Variants in FARP1 observed in about 807,000 individuals in gnomAD.
FARP1 encodes the protein FERM, ARH/RhoGEF and pleckstrin domain protein 1.
FARP1 carries 52 observed loss-of-function variants against 128.8 expected under a neutral mutation model. The ratio of observed to expected loss-of-function variants is 0.40; its 90% CI spans 0.32 to 0.51. The LOEUF is 0.51. Ranked by LOEUF, FARP1 falls within the 20% of genes least tolerant of loss-of-function variation. The pLI, the probability that FARP1 is intolerant of heterozygous loss-of-function variation, is 0.45. For missense variants in FARP1, 1,333 were observed against 1,367.9 expected, an observed-to-expected ratio of 0.97 and a Z score of 0.40; for synonymous variants, 580 against 551.8, an observed-to-expected ratio of 1.05 and a Z score of -0.72.
intron 3 of FARP1, among the ~76,000 whole-genome samples, chr13:98,361,830 T>G (rs1888884616): frequency 6.6e-6 from 1 of 152,170 alleles, no homozygotes; most frequent in Non-Finnish European, 1.5e-5. Context: ...TAGGATGTTG[T>G]TTCCATCCTA....
At chr13:98,201,277 T>C (rs1879926141) in intron 1 of FARP1, among the ~76,000 whole-genome samples, 1 of 152,126 alleles carries the variant, frequency 6.6e-6, no homozygotes, top group African/African-American at 2.4e-5. Context: ...ACTCTTTCAC[T>C]ACAAAAATTA....
intron 1 of FARP1, among the ~76,000 whole-genome samples, chr13:98,164,940 C>T (rs945127768): frequency 7.2e-5 from 11 of 151,982 alleles, no homozygotes; most frequent in East Asian, 3.9e-4. Flanking sequence ...ATTAGCTGAG[C>T]GTGTTGGTGC....
chr13:98,339,642 A>G (rs1232852981), intron 2 of FARP1, among the ~76,000 whole-genome samples: 1 of 152,218 alleles, frequency 6.6e-6, no homozygotes, highest in African/African-American at 2.4e-5. Context: ...CTTTATGGAC[A>G]TCTATTTTAC....
chr13:98,310,297 A>G (rs985412607), intron 2 of FARP1, among the ~76,000 whole-genome samples: 10 of 151,978 alleles, frequency 6.6e-5, no homozygotes, highest in Non-Finnish European at 1.5e-4. Context: ...AGTTTCCTAA[A>G]TACCATGGCT....
intron 3 of FARP1, among the ~76,000 whole-genome samples, chr13:98,347,238 C>A (rs1888218775): frequency 6.6e-6 from 1 of 152,208 alleles, no homozygotes; most frequent in South Asian, 2.1e-4. Context: ...TTACCATCGT[C>A]ATCTTCGTAG....
chr13:98,446,904 G>C (rs1892879825), intron 26 of FARP1, 87 bp downstream of exon 26: 4 of 1,430,444 alleles, frequency 2.8e-6, no homozygotes, highest in East Asian at 4.6e-5. Context: ...CAGCGAGTGA[G>C]ATGGCCCCAC....
intron 3 of FARP1, among the ~76,000 whole-genome samples, chr13:98,360,158 C>A (rs1888811445): frequency 1.5e-5 from 2 of 133,118 alleles, no homozygotes; most frequent in South Asian, 5.0e-4. Flanking sequence ...TGCAATGGTG[C>A]TGTCTCAAAT....
At chr13:98,182,462 A>T (rs1025026168) in intron 1 of FARP1, among the ~76,000 whole-genome samples, 1 of 151,954 alleles carries the variant, frequency 6.6e-6, no homozygotes, top group Non-Finnish European at 1.5e-5. Context: ...AGTAGCTGGG[A>T]CTTACAGGCA....
At chr13:98,355,827 T>G (rs1354218913) in intron 3 of FARP1, among the ~76,000 whole-genome samples, 3 of 152,204 alleles carry the variant, frequency 2.0e-5, no homozygotes, top group African/African-American at 7.2e-5. Flanking sequence ...GTGTTTTCAT[T>G]TTCAATACTT....
chr13:98,384,049 AGTTTT>A (rs1374466057), intron 6 of FARP1: 29 of 152,292 alleles, frequency 1.9e-4, no homozygotes, highest in African/African-American at 6.0e-4. Context: ...AAAGTCCTGA[AGTTTT>A]AGGGCTTTTT....
At chr13:98,363,357 G>A (rs1309250173) in intron 3 of FARP1, among the ~76,000 whole-genome samples, 2 of 152,176 alleles carry the variant, frequency 1.3e-5, no homozygotes, top group Non-Finnish European at 2.9e-5. Context: ...CCTTCCGTGT[G>A]TATTGCATAT....
intron 2 of FARP1, among the ~76,000 whole-genome samples, chr13:98,220,658 A>T (rs1279241728): frequency 3.9e-5 from 6 of 152,194 alleles, no homozygotes; most frequent in South Asian, 4.1e-4. Flanking sequence ...GAGGAAAAAA[A>T]TTTTTTTCAT....
At chr13:98,366,305 C>T (rs1594450340) in intron 4 of FARP1, among the ~76,000 whole-genome samples, 1 of 152,302 alleles carries the variant, frequency 6.6e-6, no homozygotes, top group Middle Eastern at 3.4e-3. Context: ...GGCCCGTGTG[C>T]AATTGAAATT....
chr13:98,313,490 G>A (rs72655152), intron 2 of FARP1, among the ~76,000 whole-genome samples: 4,104 of 152,174 alleles, frequency 0.027, 83 homozygotes, highest in Non-Finnish European at 0.041. Context: ...CCTTCAGGAG[G>A]AACCGGCCCT....
At chr13:98,183,120 C>G (rs1482402176) in intron 1 of FARP1, among the ~76,000 whole-genome samples, 2 of 152,186 alleles carry the variant, frequency 1.3e-5, no homozygotes, top group African/African-American at 4.8e-5. Context: ...TCTTTGCCTT[C>G]TAAATCTAGC....
chr13:98,365,256 C>T, intron 3 of FARP1, 139 bp from the exon 4 acceptor site: 2 of 616,310 alleles, frequency 3.2e-6, no homozygotes, highest in Non-Finnish European at 5.9e-6. Flanking sequence ...TAAGATACGG[C>T]ATTCTGGAGA....
rs771579289 is a variant in FARP1 at position 98,431,113 on chromosome 13, G to A, written c.1976G>A (p.Arg659Gln). The change falls in exon 18 of 27, where the codon CGG becomes CAG. Residue 659 changes from arginine to glutamine, a missense_variant. By Grantham distance (43) the Arg-to-Gln change is conservative. Transcript: ENST00000319562. ...EALENGIKSS[R>Q]RLENFCRDFE... Reference sequence around the variant, plus strand: ...CTGGAGAATGGAATCAAGAGCTCCCGGCGGCTGGAGAACTTCTGCAGAGAC... The same window carrying A: ...CTGGAGAATGGAATCAAGAGCTCCCAGCGGCTGGAGAACTTCTGCAGAGAC... 3.7e-6 allele frequency: 6 copies of A among 1,614,140 alleles called. No individual in the cohort carries two copies. Among genetic ancestry groups the A allele is most frequent in the Middle Eastern group, 1.6e-4 (1 of 6,062 alleles).
intron 2 of FARP1, among the ~76,000 whole-genome samples, chr13:98,285,067 C>T (rs1361216686): frequency 2.0e-5 from 3 of 151,972 alleles, no homozygotes; most frequent in Admixed American, 6.6e-5. Context: ...CCAAAAGGTG[C>T]GAGTATTATT....
intron 1 of FARP1, among the ~76,000 whole-genome samples, chr13:98,187,843 T>C (rs1184098802): frequency 2.0e-5 from 3 of 152,246 alleles, no homozygotes; most frequent in African/African-American, 7.2e-5. Flanking sequence ...ATGTAATTTC[T>C]GTGACCAGAG....
Sources: gnomAD v4.1 joint callset for allele counts (sites outside exome capture counted in the v4.1 genomes callset) on GRCh38, gnomAD v4.1.1 for gene constraint, MANE v1.5 for transcripts, NCBI Gene and HGNC (gene_info 2026-07-23, HGNC 2026-07-21) for gene names.